Variants in FRMD6 observed in about 807,000 individuals in gnomAD.
The protein encoded by FRMD6 is FERM domain containing 6.
A neutral mutation model predicts 73.2 loss-of-function variants in FRMD6; 37 were observed. That is an observed-to-expected ratio of 0.51 (90% CI 0.39 to 0.66). The LOEUF (loss-of-function observed/expected upper bound fraction) is 0.66. Ranked by LOEUF, FRMD6 falls within the 30% of genes least tolerant of loss-of-function variation. The pLI is 0.00. For synonymous variants in FRMD6, 273 were observed against 282.2 expected, an observed-to-expected ratio of 0.97 and a Z score of 0.33; for missense variants, 714 against 780.5, an observed-to-expected ratio of 0.91 and a Z score of 1.02.
In FRMD6 at chr14:51,619,606, T is replaced by C. The variant is rs538062239; in HGVS notation, c.-147+49196T>C. Among the ~76,000 whole-genome samples the C allele has an allele frequency of 4.6e-5, 7 of 152,294 alleles. No individual in the cohort carries two copies. The East Asian group carries it at 1.4e-3, about 29-fold the overall frequency. ...AGTACCAGAGACAGATGAGAAACCGTAGACTACTCCACACTAAGAGCATAA... is the reference window on the plus strand; with the variant it reads ...AGTACCAGAGACAGATGAGAAACCGCAGACTACTCCACACTAAGAGCATAA... On this transcript the variant is annotated intron_variant, in intron 2 of 14. Coordinates refer to the FRMD6 transcript ENST00000356218.
At chr14:51,560,878 A>G (rs1358804475) in intron 1 of FRMD6, among the ~76,000 whole-genome samples, 1 of 152,150 alleles carries the variant, frequency 6.6e-6, no homozygotes, top group Non-Finnish European at 1.5e-5. Context: ...CCAAACTCCA[A>G]AATTACTCTT....
At chr14:51,690,619 C>T (rs1895487463) in intron 2 of FRMD6, among the ~76,000 whole-genome samples, 1 of 152,220 alleles carries the variant, frequency 6.6e-6, no homozygotes, top group Admixed American at 6.5e-5. Flanking sequence ...CTCCTGACCT[C>T]AGGTGATCCG....
chr14:51,614,318 AC>A (rs2139883532), intron 2 of FRMD6, among the ~76,000 whole-genome samples: 1 of 152,300 alleles, frequency 6.6e-6, no homozygotes, highest in Admixed American at 6.5e-5. Context: ...AGGGTAACAT[AC>A]ACCGTAGAAT....
chr14:51,412,654 A>T, the FRMD6 span, among the ~76,000 whole-genome samples: 15 of 152,070 alleles, frequency 9.9e-5, no homozygotes, highest in Non-Finnish European at 2.1e-4. Flanking sequence ...GATCAAGACC[A>T]TCCTGGCTAA....
In FRMD6 at chr14:51,715,468, G is replaced by A; in HGVS notation, c.993G>A (p.Leu331=). The stretch of plus-strand genomic sequence containing the variant: ...TCTATATGAATCTGCAGCCTGTCCT[G>A]CGCCATATCCGGAAGCTGGAGGAAA... The part of the protein sequence containing the change: ...HRLYMNLQPV[L]RHIRKLEENE... The change falls in exon 10 of 14, where the codon CTG becomes CTA. Residue 331 remains leucine (L), a synonymous_variant. Coordinates refer to ENST00000344768, the MANE Select transcript of FRMD6 (RefSeq NM_001267046.2). 8 of 1,611,754 alleles carry A rather than the reference G, an allele frequency of 5.0e-6. No individual in the cohort carries two copies. Among genetic ancestry groups the A allele is most frequent in the Non-Finnish European group, 6.8e-6 (8 of 1,179,016 alleles).
intron 1 of FRMD6, among the ~76,000 whole-genome samples, chr14:51,515,695 A>G (rs1884589653): frequency 6.6e-6 from 1 of 152,220 alleles, no homozygotes; most frequent in African/African-American, 2.4e-5. Flanking sequence ...GAGCTGAAAG[A>G]ACATCTTCAG....
At chr14:51,434,619 A>G in the FRMD6 span, among the ~76,000 whole-genome samples, 2 of 152,178 alleles carry the variant, frequency 1.3e-5, no homozygotes, top group Non-Finnish European at 2.9e-5. Flanking sequence ...AATGTAGAGG[A>G]AATTATTTAA....
At chr14:51,710,921 A>G (rs1179276986) in intron 7 of FRMD6, among the ~76,000 whole-genome samples, 1 of 152,074 alleles carries the variant, frequency 6.6e-6, no homozygotes, top group East Asian at 1.9e-4. Flanking sequence ...ATTGTGTATC[A>G]TATTGGCAAG....
intron 9 of FRMD6, among the ~76,000 whole-genome samples, chr14:51,713,370 ATC>A (rs1307171877): frequency 6.6e-6 from 1 of 151,834 alleles, no homozygotes; most frequent in Non-Finnish European, 1.5e-5. Context: ...AGGCATGGGA[ATC>A]TCTTGAACCC....
At chr14:51,680,234 T>C (rs968137890) in intron 1 of FRMD6, among the ~76,000 whole-genome samples, 1 of 152,148 alleles carries the variant, frequency 6.6e-6, no homozygotes, top group African/African-American at 2.4e-5. Flanking sequence ...GGCCCAGGCC[T>C]CTCCACTAGG....
the FRMD6 span, among the ~76,000 whole-genome samples, chr14:51,458,789 G>GTAC: frequency 6.6e-6 from 1 of 152,190 alleles, no homozygotes; most frequent in East Asian, 1.9e-4. Context: ...AAGCCATGAT[G>GTAC]TACTCTAGGT....
chr14:51,518,911 TACTC>T (rs1369245648), intron 1 of FRMD6, among the ~76,000 whole-genome samples: 1 of 152,212 alleles, frequency 6.6e-6, no homozygotes, highest in East Asian at 1.9e-4. Flanking sequence ...GCTTCAGAAT[TACTC>T]AAGCAAGCCA....
chr14:51,621,315 C>A (rs1890917021), intron 2 of FRMD6, among the ~76,000 whole-genome samples: 1 of 152,164 alleles, frequency 6.6e-6, no homozygotes, highest in Admixed American at 6.5e-5. Context: ...TCCAGCCATG[C>A]AAACCAGCTT....
At chr14:51,631,193 A>G (rs567584741) in intron 2 of FRMD6, among the ~76,000 whole-genome samples, 1 of 152,328 alleles carries the variant, frequency 6.6e-6, no homozygotes, top group Admixed American at 6.5e-5. Context: ...GGTAAGACGA[A>G]TCTTTACTGA....
At chr14:51,578,414 A>G (rs1166924624) in intron 2 of FRMD6, among the ~76,000 whole-genome samples, 1 of 152,236 alleles carries the variant, frequency 6.6e-6, no homozygotes, top group East Asian at 1.9e-4. Context: ...AAGGATTCCA[A>G]AGTGGTGGGT....
At chr14:51,492,074 A>G (rs1277309403) in intron 1 of FRMD6, among the ~76,000 whole-genome samples, 2 of 152,198 alleles carry the variant, frequency 1.3e-5, no homozygotes, top group Non-Finnish European at 2.9e-5. Context: ...CTGCAGGAAC[A>G]TATGTTTGAC....
intron 2 of FRMD6, among the ~76,000 whole-genome samples, chr14:51,573,794 C>T (rs968574863): frequency 2.6e-5 from 4 of 152,258 alleles, no homozygotes; most frequent in African/African-American, 7.2e-5. Context: ...TTACCAAGAC[C>T]ATCATTTGCA....
chr14:51,686,782 T>C (rs1288162254), intron 1 of FRMD6, among the ~76,000 whole-genome samples: 1 of 152,152 alleles, frequency 6.6e-6, no homozygotes, highest in African/African-American at 2.4e-5. Flanking sequence ...CAATGGCTGT[T>C]GTGAGGCTGA....
intron 2 of FRMD6, among the ~76,000 whole-genome samples, chr14:51,605,282 G>C (rs1025187517): frequency 3.3e-5 from 5 of 151,582 alleles, no homozygotes; most frequent in African/African-American, 9.7e-5. Flanking sequence ...GAGGACCCTG[G>C]GGCCTTCCGC....
Sources: gnomAD v4.1 joint callset for allele counts (sites outside exome capture counted in the v4.1 genomes callset) on GRCh38, gnomAD v4.1.1 for gene constraint, MANE v1.5 for transcripts, NCBI Gene and HGNC (gene_info 2026-07-23, HGNC 2026-07-21) for gene names.